Variants in DCC observed in about 807,000 individuals in gnomAD.
DCC encodes the protein netrin receptor DCC.
A neutral mutation model predicts 172.5 loss-of-function variants in DCC; 58 were observed. The ratio of observed to expected loss-of-function variants is 0.34; its 90% confidence interval spans 0.27 to 0.42. The LOEUF is 0.42. DCC is among the 10% of genes least tolerant of loss of function. The pLI is 1.00. For missense variants in DCC, 1,740 were observed against 1,791.0 expected, an observed-to-expected ratio of 0.97 and a Z score of 0.51; for synonymous variants, 709 against 644.5, an observed-to-expected ratio of 1.10 and a Z score of -1.52.
chr18:53,105,543 A>G (rs1234836307), intron 7 of DCC, among the ~76,000 whole-genome samples: 1 of 152,038 alleles, frequency 6.6e-6, no homozygotes, highest in Non-Finnish European at 1.5e-5. Flanking sequence ...AGACTACACA[A>G]GTAGGATCTA....
At chr18:53,455,162 C>T (rs1449097755) in intron 23 of DCC, among the ~76,000 whole-genome samples, 1 of 152,160 alleles carries the variant, frequency 6.6e-6, no homozygotes, top group Non-Finnish European at 1.5e-5. Flanking sequence ...TCCCCCAAAC[C>T]CCTGGTGGGT....
intron 9 of DCC, among the ~76,000 whole-genome samples, chr18:53,198,422 A>C (rs1295143093): frequency 2.1e-5 from 3 of 141,682 alleles, no homozygotes; most frequent in African/African-American, 8.0e-5. Flanking sequence ...ATAAATCATT[A>C]AACTGAGCAG....
chr18:52,453,510 A>G (rs1013583753), intron 1 of DCC, among the ~76,000 whole-genome samples: 9 of 152,238 alleles, frequency 5.9e-5, no homozygotes, highest in Admixed American at 5.9e-4. Flanking sequence ...TTTCATTACA[A>G]GATAAATGAT....
chr18:52,343,391 A>G (rs1226089929), intron 1 of DCC, among the ~76,000 whole-genome samples: 2 of 152,214 alleles, frequency 1.3e-5, no homozygotes, highest in Admixed American at 6.5e-5. Context: ...ACAAAGGATT[A>G]TGGAGACTAG....
At chr18:53,163,048 C>A (rs2054866430) in intron 8 of DCC, among the ~76,000 whole-genome samples, 1 of 152,156 alleles carries the variant, frequency 6.6e-6, no homozygotes, top group African/African-American at 2.4e-5. Context: ...TTTATCTCAC[C>A]CCTTCATTTT....
At chr18:53,182,351 T>C (rs1289208311) in intron 9 of DCC, among the ~76,000 whole-genome samples, 2 of 152,318 alleles carry the variant, frequency 1.3e-5, no homozygotes, top group East Asian at 1.9e-4. Context: ...TACCAGTATA[T>C]GGAATAAGGA....
intron 5 of DCC, among the ~76,000 whole-genome samples, chr18:52,994,419 A>G (rs552709913): frequency 6.6e-4 from 101 of 152,240 alleles, no homozygotes; most frequent in African/African-American, 2.3e-3. Context: ...TAAACAAGGA[A>G]GAGAAAAACC....
At position 52,434,135 on chromosome 18, in the gene DCC, A is replaced by G. The variant is rs76210690; in HGVS notation, c.91+93257A>G. Reference sequence around the variant, plus strand: ...ATGTAATCCATATTGTAATCAATGCATAAAAGTGTTTATTTCTCTAAAACT... The same window carrying G: ...ATGTAATCCATATTGTAATCAATGCGTAAAAGTGTTTATTTCTCTAAAACT... On this transcript the variant is annotated intron_variant, in intron 1 of 28. Transcript: ENST00000442544. Among the ~76,000 whole-genome samples the G allele has an allele frequency of 2.1e-3, 317 of 152,372 alleles. 1 individual carries two copies. Among genetic ancestry groups the G allele is most frequent in the African/African-American group, 7.0e-3 (291 of 41,590 alleles).
At chr18:52,377,951 C>T (rs1034109461) in intron 1 of DCC, among the ~76,000 whole-genome samples, 21 of 151,998 alleles carry the variant, frequency 1.4e-4, no homozygotes, top group East Asian at 1.2e-3. Flanking sequence ...CCCCCTGCCT[C>T]GGCCTCCCAA....
At chr18:52,811,584 GGTGAAA>G (rs926486347) in intron 2 of DCC, among the ~76,000 whole-genome samples, 2 of 149,566 alleles carry the variant, frequency 1.3e-5, no homozygotes, top group African/African-American at 4.9e-5. Flanking sequence ...TTGAGTAACT[GGTGAAA>G]GTTTTATTTT....
At chr18:52,872,862 C>T (rs1342327254) in intron 2 of DCC, among the ~76,000 whole-genome samples, 1 of 152,152 alleles carries the variant, frequency 6.6e-6, no homozygotes, top group Non-Finnish European at 1.5e-5. Flanking sequence ...TTGAAAAAAT[C>T]TTCACCACAT....
intron 1 of DCC, among the ~76,000 whole-genome samples, chr18:52,606,986 A>G (rs769581932): frequency 9.9e-5 from 15 of 152,126 alleles, no homozygotes; most frequent in Non-Finnish European, 2.1e-4. Context: ...CTTTGTATGA[A>G]TCTATACATT....
chr18:52,418,858 C>CTTTTTT (rs11313758), intron 1 of DCC, among the ~76,000 whole-genome samples: 11 of 92,978 alleles, frequency 1.2e-4, no homozygotes, highest in East Asian at 6.1e-4. Context: ...TTCTTTCTTT[C>CTTTTTT]TTTTTTTTTT....
Position 53,207,553 on chromosome 18 carries a change from G to A in DCC, c.1723-126G>A, listed in dbSNP as rs118038870. On this transcript the variant is annotated intron_variant, in intron 10 of 28. Transcript: ENST00000442544. ...TCTGTGTCACAAGGTAGGTTTTATA[G>A]CTCATTAGAAGGCTGGAGTGTAGTT... is the stretch of plus-strand genomic sequence containing the variant. 1.5e-3 allele frequency: 1,339 copies of A among 899,094 alleles called. 17 individuals carry two copies. The East Asian group carries it at 0.031, about 20-fold the overall frequency. 55.7% of individuals were successfully genotyped at this position (899,094 alleles called of 1,614,324 possible).
At chr18:52,622,214 A>G (rs2034492839) in intron 1 of DCC, among the ~76,000 whole-genome samples, 1 of 152,198 alleles carries the variant, frequency 6.6e-6, no homozygotes, top group South Asian at 2.1e-4. Flanking sequence ...ACTAGGGACC[A>G]AAAGTTCTCT....
intron 1 of DCC, among the ~76,000 whole-genome samples, chr18:52,685,077 G>T (rs565454495): frequency 1.6e-4 from 24 of 152,046 alleles, no homozygotes; most frequent in African/African-American, 5.3e-4. Context: ...ATTCAAATTA[G>T]TTCAATTAAG....
chr18:52,909,550 C>A (rs191228040), intron 3 of DCC, among the ~76,000 whole-genome samples: 1 of 152,090 alleles, frequency 6.6e-6, no homozygotes, highest in African/African-American at 2.4e-5. Flanking sequence ...ATGTAATATA[C>A]TTATTCAAGT....
intron 12 of DCC, among the ~76,000 whole-genome samples, chr18:53,283,457 C>T (rs1180981744): frequency 6.6e-6 from 1 of 151,984 alleles, no homozygotes; most frequent in Non-Finnish European, 1.5e-5. Flanking sequence ...GACACGTTTA[C>T]TGATTTGATG....
intron 5 of DCC, among the ~76,000 whole-genome samples, chr18:52,950,438 A>G (rs753668674): frequency 2.6e-5 from 4 of 152,216 alleles, no homozygotes. Context: ...CTCTGACAAT[A>G]GAATATAATT....
Sources: gnomAD v4.1 joint callset for allele counts (sites outside exome capture counted in the v4.1 genomes callset) on GRCh38, gnomAD v4.1.1 for gene constraint, MANE v1.5 for transcripts, NCBI Gene and HGNC (gene_info 2026-07-23, HGNC 2026-07-21) for gene names.